The following TNPO1 variants were observed in gnomAD, a reference collection of about 807,000 sequenced individuals.
TNPO1 encodes transportin-1.
In TNPO1, 8 loss-of-function variants were observed where a neutral mutation model predicts 119.5. That is an observed-to-expected ratio of 0.07 (90% confidence interval 0.04 to 0.12). The LOEUF (loss-of-function observed/expected upper bound fraction) is 0.12, where lower values mean the gene tolerates loss of function less well. Among genes scored for constraint, TNPO1 ranks in the 10% least tolerant of loss-of-function variants. The pLI is 1.00. For synonymous variants in TNPO1, 362 were observed against 363.0 expected, an observed-to-expected ratio of 1.00 and a Z score of 0.03; for missense variants, 576 against 1,089.8, an observed-to-expected ratio of 0.53 and a Z score of 6.64.
rs1750458523 is a variant in TNPO1, at chr5:72,910,106, A to G, written c.*1433A>G. The G allele has an allele frequency of 1.3e-5, 2 of 152,616 alleles. No homozygotes were observed. 9.5% of individuals were successfully genotyped at this position (152,616 alleles called of 1,614,324 possible). A position where few individuals can be genotyped will look rare whatever the true frequency, so the allele number is the denominator to read the frequency against. The stretch of plus-strand genomic sequence containing the variant: ...CTTTTTTTGTTCAAAGCATGATCTT[A>G]AAGATATGTTTAAGTTAATGGATGT... On this transcript the variant is annotated 3_prime_UTR_variant, in exon 25 of 25. Transcript: ENST00000337273.
At chr5:72,889,269 G>A (rs1446911293) in intron 13 of TNPO1, among the ~76,000 whole-genome samples, 1 of 152,044 alleles carries the variant, frequency 6.6e-6, no homozygotes, top group African/African-American at 2.4e-5. Flanking sequence ...TGTTGGCCAG[G>A]CTGGTCTTGA....
At chr5:72,879,046 C>A in intron 9 of TNPO1, 1 of 306,124 alleles carries the variant, frequency 3.3e-6, no homozygotes, top group South Asian at 3.0e-5. Context: ...TACATAAGCA[C>A]ATCTCTTGCC....
chr5:72,895,686 A>T (rs1749379021), intron 18 of TNPO1, among the ~76,000 whole-genome samples: 1 of 152,232 alleles, frequency 6.6e-6, no homozygotes, highest in Admixed American at 6.5e-5. Flanking sequence ...TAATGAAGAT[A>T]CTTATATAGG....
rs201158166 is a variant in TNPO1 at position 72,865,670 on chromosome 5, T to C, written c.537T>C (p.Pro179=). The C allele has an allele frequency of 3.7e-5, 59 of 1,613,758 alleles. No homozygotes were observed. The East Asian group carries it at 1.2e-3, about 34-fold the overall frequency. Residue 179 remains proline (P), a synonymous_variant, in exon 6 of 25, where the codon CCT becomes CCC. Coordinates refer to ENST00000337273, the MANE Select transcript of TNPO1 (RefSeq NM_002270.4). ...TAGACAGTGATGTTTTAGATCGTCC[T>C]CTCAACATCATGATTCCCAAATTTT... ...EILDSDVLDR[P]LNIMIPKFLQ... is the part of the protein sequence containing the mutation.
intron 3 of TNPO1, among the ~76,000 whole-genome samples, chr5:72,854,994 ATTT>A (rs1293038685): frequency 6.7e-6 from 1 of 150,262 alleles, no homozygotes; most frequent in African/African-American, 2.4e-5. Flanking sequence ...ATTTCAAAAA[ATTT>A]TTTTTTTGTT....
intron 1 of TNPO1, among the ~76,000 whole-genome samples, chr5:72,840,410 C>T (rs1744856635): frequency 6.6e-6 from 1 of 152,054 alleles, no homozygotes; most frequent in South Asian, 2.1e-4. Flanking sequence ...ATAACTGGCA[C>T]ATGGAAGGAC....
intron 2 of TNPO1, among the ~76,000 whole-genome samples, chr5:72,849,089 G>T (rs1745346991): frequency 6.6e-6 from 1 of 152,190 alleles, no homozygotes; most frequent in African/African-American, 2.4e-5. Flanking sequence ...AGGGGTCTCT[G>T]TGCCTCACCC....
chr5:72,818,286 C>G (rs1743791411), intron 1 of TNPO1, among the ~76,000 whole-genome samples: 1 of 152,176 alleles, frequency 6.6e-6, no homozygotes, highest in Non-Finnish European at 1.5e-5. Context: ...GGCTTTATTA[C>G]CATTATATAA....
At chr5:72,866,203 C>T (rs1262306986) in intron 6 of TNPO1, among the ~76,000 whole-genome samples, 2 of 152,176 alleles carry the variant, frequency 1.3e-5, no homozygotes, top group Non-Finnish European at 2.9e-5. Context: ...CTCTCCCTCC[C>T]TCTTCTTATA....
chr5:72,820,163 T>G (rs536104012), intron 1 of TNPO1, among the ~76,000 whole-genome samples: 6 of 152,206 alleles, frequency 3.9e-5, no homozygotes, highest in Non-Finnish European at 8.8e-5. Flanking sequence ...TTTGTCACCA[T>G]ATTTAATGTT....
chr5:72,848,212 G>C (rs762386061), intron 1 of TNPO1, 173 bp from the exon 2 acceptor site: 62 of 1,248,528 alleles, frequency 5.0e-5, no homozygotes, highest in Non-Finnish European at 6.1e-5. Flanking sequence ...GTTCCGCCGG[G>C]TTTCACTGTC....
At chr5:72,872,577 A>G (rs987834518) in intron 6 of TNPO1, 62 bp from the exon 7 acceptor site, 6 of 1,218,730 alleles carry the variant, frequency 4.9e-6, no homozygotes, top group South Asian at 1.4e-5. Context: ...GTTTTTACCA[A>G]TTTTCTATAG....
intron 15 of TNPO1, among the ~76,000 whole-genome samples, 163 bp downstream of exon 15, chr5:72,892,059 TA>T (rs1343795624): frequency 6.6e-6 from 1 of 152,106 alleles, no homozygotes; most frequent in Non-Finnish European, 1.5e-5. Context: ...TAATTGATAA[TA>T]AATTAGAGTT....
At chr5:72,896,319 A>G (rs1397783751) in intron 18 of TNPO1, 139 bp from the exon 19 acceptor site, 1 of 489,446 alleles carries the variant, frequency 2.0e-6, no homozygotes, top group East Asian at 3.6e-5. Context: ...CAATTTTAAA[A>G]TTGATGTTGC....
At chr5:72,832,361 T>G (rs1744511649) in intron 1 of TNPO1, among the ~76,000 whole-genome samples, 1 of 152,188 alleles carries the variant, frequency 6.6e-6, no homozygotes, top group Non-Finnish European at 1.5e-5. Context: ...TTTAATGTTG[T>G]ATTTCCTCCT....
intron 1 of TNPO1, among the ~76,000 whole-genome samples, chr5:72,839,584 C>G (rs1160100162): frequency 6.6e-6 from 1 of 152,170 alleles, no homozygotes; most frequent in Admixed American, 6.5e-5. Context: ...ATAGTATGTT[C>G]TTATGTTTTG....
At chr5:72,870,541 C>T (rs922513631) in intron 6 of TNPO1, among the ~76,000 whole-genome samples, 2 of 152,152 alleles carry the variant, frequency 1.3e-5, no homozygotes, top group African/African-American at 4.8e-5. Context: ...TATTCCCAGG[C>T]ACTTACTTGG....
chr5:72,855,766 T>G lies in TNPO1; in HGVS notation c.206-8T>G. On this transcript the variant is annotated splice_polypyrimidine_tract_variant and splice_region_variant and intron_variant, in intron 3 of 24. Coordinates refer to ENST00000337273, the MANE Select transcript of TNPO1 (RefSeq NM_002270.4). ...TCAAAACTCATTACTATTACTATTT[T>G]ATTACAGATGAACCCACAAGATCAT... 1 of 1,590,154 alleles carries G rather than the reference T, an allele frequency of 6.3e-7. No individual in the cohort carries two copies. Among genetic ancestry groups the G allele is most frequent in the South Asian group, 1.1e-5 (1 of 88,828 alleles).
Position 72,913,305 on chromosome 5 carries a change from A to G in TNPO1, c.*4632A>G, listed in dbSNP as rs1750682395. The G allele has an allele frequency of 6.6e-6, 1 of 152,506 alleles. No homozygotes were observed. Among genetic ancestry groups the G allele is most frequent in the African/African-American group, 2.4e-5 (1 of 41,442 alleles). The allele number at this position is 152,506 out of a possible 1,614,324, so 9.4% of individuals were successfully genotyped here. On this transcript the variant is annotated 3_prime_UTR_variant, in exon 25 of 25. Coordinates refer to ENST00000337273, the MANE Select transcript of TNPO1 (RefSeq NM_002270.4). ...AATTGTGACTAATTTTTTCAATCTT[A>G]CATAGATCTTTCACCCATTAGCATT...
Sources: gnomAD v4.1 joint callset for allele counts (sites outside exome capture counted in the v4.1 genomes callset) on GRCh38, gnomAD v4.1.1 for gene constraint, MANE v1.5 for transcripts, NCBI Gene and HGNC (gene_info 2026-07-23, HGNC 2026-07-21) for gene names.